Variants in ZNF714 observed in about 807,000 individuals in gnomAD.
ZNF714 encodes zinc finger protein 714.
In ZNF714, 32 loss-of-function variants were observed where a neutral mutation model predicts 46.2. The ratio of observed to expected loss-of-function variants is 0.69; its 90% confidence interval spans 0.52 to 0.93. ZNF714 has a LOEUF of 0.93. Among genes scored for constraint, ZNF714 ranks in the 40% least tolerant of loss-of-function variants. The pLI is 0.00. For synonymous variants in ZNF714, 199 were observed against 213.1 expected (o/e 0.93, Z 0.58); for missense variants, 635 against 646.3 (o/e 0.98, Z 0.19).
chr19:21,098,154 A>G, intron 2 of ZNF714, 31 bp from the exon 3 acceptor site: 1 of 1,581,758 alleles, frequency 6.3e-7, no homozygotes, highest in Non-Finnish European at 8.5e-7. Context: ...CTTGGTAAAT[A>G]TACGTGTGTC....
At position 21,093,695 on chromosome 19, in the gene ZNF714, G is replaced by A. The variant is rs1480473409; in HGVS notation, c.-84-4490G>A. On this transcript the variant is annotated intron_variant, in intron 2 of 4. Coordinates refer to ENST00000456283, the MANE Select transcript of ZNF714 (RefSeq NM_182515.4). Reference sequence around the variant, plus strand: ...GTTGCAAAGGCTGAAGTGCAGTGGTGCAATCTTGGCTCACTTCAGCCTCAA... The same window carrying A: ...GTTGCAAAGGCTGAAGTGCAGTGGTACAATCTTGGCTCACTTCAGCCTCAA... Among the ~76,000 whole-genome samples the A allele has an allele frequency of 6.6e-5, 10 of 152,222 alleles. No individual in the cohort carries two copies. The East Asian group carries it at 1.7e-3, about 26-fold the overall frequency.
chr19:21,108,548 A>G (rs575582574), intron 4 of ZNF714, among the ~76,000 whole-genome samples: 44 of 152,276 alleles, frequency 2.9e-4, no homozygotes, highest in African/African-American at 1.0e-3. Flanking sequence ...ATTTAAAGAA[A>G]CTGACTCCTT....
At position 21,098,843 on chromosome 19, in the gene ZNF714, C is replaced by A; in HGVS notation, c.75C>A (p.Ile25=). ...AGIAVSKQDP[I]TSLEQEKEPW... Reference sequence around the variant, plus strand: ...TTGCTGTCTCTAAGCAAGACCCGATCACCAGTCTAGAGCAAGAAAAAGAGC... The same window carrying A: ...TTGCTGTCTCTAAGCAAGACCCGATAACCAGTCTAGAGCAAGAAAAAGAGC... The change falls in exon 4 of 5, where the codon ATC becomes ATA. Residue 25 remains isoleucine (I), a synonymous_variant. Coordinates refer to ENST00000456283, the MANE Select transcript of ZNF714 (RefSeq NM_182515.4). 1 of 1,610,336 alleles carries A rather than the reference C, an allele frequency of 6.2e-7. No homozygotes were observed. Among genetic ancestry groups the A allele is most frequent in the South Asian group, 1.1e-5 (1 of 90,658 alleles).
chr19:21,091,998 T>C (rs1968920309), intron 2 of ZNF714, among the ~76,000 whole-genome samples: 1 of 152,130 alleles, frequency 6.6e-6, no homozygotes, highest in Non-Finnish European at 1.5e-5. Flanking sequence ...GGAGAATTGC[T>C]TGGTATTAAG....
intron 2 of ZNF714, chr19:21,091,640 G>T (rs1463127172): frequency 6.6e-6 from 1 of 151,340 alleles, no homozygotes; most frequent in African/African-American, 2.4e-5. Flanking sequence ...ATTAATCACA[G>T]CTATTTACCC....
rs145362906 is a variant in ZNF714 at position 21,083,740 on chromosome 19, A to G, written c.-176-238A>G. 2.1e-4 allele frequency among the ~76,000 whole-genome samples: 32 copies of G among 152,214 alleles called. No individual in the cohort carries two copies. The East Asian group carries it at 5.8e-3, about 28-fold the overall frequency. Reference sequence around the variant, plus strand: ...AATAATCCCCTGACACTGTATTGTAAAATTTCTCTGTGCCTCTTCTCCTTG... The same window carrying G: ...AATAATCCCCTGACACTGTATTGTAGAATTTCTCTGTGCCTCTTCTCCTTG... On this transcript the variant is annotated intron_variant, in intron 1 of 4. Transcript: ENST00000456283.
At chr19:21,116,053 G>C (rs1317327753) in intron 4 of ZNF714, among the ~76,000 whole-genome samples, 1 of 151,566 alleles carries the variant, frequency 6.6e-6, no homozygotes, top group Non-Finnish European at 1.5e-5. Context: ...TGTAATCTTT[G>C]ATTAAAATTT....
chr19:21,105,300 C>T (rs1253044207), intron 4 of ZNF714, among the ~76,000 whole-genome samples: 3 of 152,094 alleles, frequency 2.0e-5, no homozygotes, highest in South Asian at 2.1e-4. Context: ...GGATTACCTG[C>T]GTGAGCCACC....
intron 2 of ZNF714, among the ~76,000 whole-genome samples, chr19:21,084,550 A>G (rs1456013840): frequency 6.6e-6 from 1 of 152,100 alleles, no homozygotes; most frequent in Non-Finnish European, 1.5e-5. Flanking sequence ...GTGACTGAAT[A>G]GCCTGACTTG....
chr19:21,120,605 G>A lies in ZNF714; in HGVS notation c.*2273G>A, dbSNP rs918075843. On this transcript the variant is annotated 3_prime_UTR_variant, in exon 5 of 5. Coordinates refer to ENST00000456283, the MANE Select transcript of ZNF714 (RefSeq NM_182515.4). ...ACATTTTTAAAATTTTAGATTGTGTGAAGTTAATAGTTTAACATTTTTAAC... is the reference window on the plus strand; with the variant it reads ...ACATTTTTAAAATTTTAGATTGTGTAAAGTTAATAGTTTAACATTTTTAAC... The A allele has an allele frequency of 1.3e-5, 2 of 152,098 alleles. No individual in the cohort carries two copies. Among genetic ancestry groups the A allele is most frequent in the Non-Finnish European group, 2.9e-5 (2 of 68,012 alleles). The allele number at this position is 152,098 out of a possible 1,614,324, so 9.4% of individuals were successfully genotyped here. A position where few individuals can be genotyped will look rare whatever the true frequency, so the allele number is the denominator to read the frequency against.
At chr19:21,110,269 G>C (rs1969421039) in intron 4 of ZNF714, among the ~76,000 whole-genome samples, 1 of 152,036 alleles carries the variant, frequency 6.6e-6, no homozygotes, top group South Asian at 2.1e-4. Context: ...TTGTTTCTTG[G>C]CTTTTTAGTA....
Position 21,119,357 on chromosome 19 carries a change from T to C in ZNF714, c.*1025T>C, listed in dbSNP as rs1362096940. On this transcript the variant is annotated 3_prime_UTR_variant, in exon 5 of 5. Coordinates refer to ENST00000456283, the MANE Select transcript of ZNF714 (RefSeq NM_182515.4). ...GGGAGAGGTTGCAGTGAGCTGAGAT[T>C]GCACTCTAGCCTGGGCCACAGAGCA... The C allele has an allele frequency of 3.9e-6, 1 of 255,036 alleles. No homozygotes were observed. Among genetic ancestry groups the C allele is most frequent in the Non-Finnish European group, 7.9e-6 (1 of 126,364 alleles). 15.8% of individuals were successfully genotyped at this position (255,036 alleles called of 1,614,324 possible).
chr19:21,099,162 C>G (rs909940438), intron 4 of ZNF714, among the ~76,000 whole-genome samples: 1 of 151,996 alleles, frequency 6.6e-6, no homozygotes, highest in Non-Finnish European at 1.5e-5. Flanking sequence ...TTGAAAAACA[C>G]TGTTTTTTTT....
chr19:21,102,608 TA>T (rs1969207813), intron 4 of ZNF714, among the ~76,000 whole-genome samples: 1 of 152,228 alleles, frequency 6.6e-6, no homozygotes, highest in Non-Finnish European at 1.5e-5. Flanking sequence ...ACATGCTTAT[TA>T]AAAGTTTCTC....
intron 4 of ZNF714, among the ~76,000 whole-genome samples, chr19:21,114,605 C>T (rs1049714017): frequency 3.3e-5 from 5 of 152,014 alleles, no homozygotes; most frequent in African/African-American, 4.8e-5. Flanking sequence ...ATCCAGTTTG[C>T]CCTTCTATGT....
In ZNF714 at chr19:21,119,333, G is replaced by A. The variant is rs996465201; in HGVS notation, c.*1001G>A. On this transcript the variant is annotated 3_prime_UTR_variant, in exon 5 of 5. Transcript: ENST00000456283. ...AGGAGAATCACTTGAACTTGGGGAG[G>A]GAGAGGTTGCAGTGAGCTGAGATTG... The A allele has an allele frequency of 1.5e-5, 4 of 269,984 alleles. No homozygotes were observed. The highest frequency in any genetic ancestry group is 3.0e-5 in the Non-Finnish European group (4 of 134,808). The allele number at this position is 269,984 out of a possible 1,614,324, so 16.7% of individuals were successfully genotyped here. A position where few individuals can be genotyped will look rare whatever the true frequency, so the allele number is the denominator to read the frequency against.
chr19:21,097,469 C>T lies in ZNF714; in HGVS notation c.-84-716C>T, dbSNP rs527769720. Among the ~76,000 whole-genome samples, 19 of 152,208 alleles carry T rather than the reference C, an allele frequency of 1.2e-4. No individual in the cohort carries two copies. In the South Asian group the frequency reaches 3.7e-3, roughly 30 times the overall value. On this transcript the variant is annotated intron_variant, in intron 2 of 4. Coordinates refer to ENST00000456283, the MANE Select transcript of ZNF714 (RefSeq NM_182515.4). ...TTTGCTTGGTTAAAGAGCTCTCTGACTTTTTTTCACTATAGAGTTAATTGT... is the reference window on the plus strand; with the variant it reads ...TTTGCTTGGTTAAAGAGCTCTCTGATTTTTTTTCACTATAGAGTTAATTGT...
intron 2 of ZNF714, among the ~76,000 whole-genome samples, chr19:21,093,811 G>A (rs933801444): frequency 1.4e-5 from 2 of 146,574 alleles, no homozygotes; most frequent in Non-Finnish European, 3.0e-5. Flanking sequence ...TTTTTCTATC[G>A]TTTGTAGAGA....
rs1969695931 is a variant in ZNF714, at chr19:21,121,080, C to G, written c.*2748C>G. The G allele has an allele frequency of 6.6e-6, 1 of 152,166 alleles. No homozygotes were observed. The highest frequency in any genetic ancestry group is 1.9e-4 in the East Asian group (1 of 5,186). 9.4% of individuals were successfully genotyped at this position (152,166 alleles called of 1,614,324 possible). ...TGAGACGGAGTCTCGCTCTGTCGCC[C>G]AGGCTGGAGTGTGCAATCTCGGCTC... On this transcript the variant is annotated 3_prime_UTR_variant, in exon 5 of 5. Transcript: ENST00000456283.
Sources: allele counts gnomAD v4.1 joint callset (sites outside exome capture counted in the v4.1 genomes callset), GRCh38; gene constraint gnomAD v4.1.1; transcripts MANE v1.5; gene names NCBI Gene and HGNC (gene_info 2026-07-23, HGNC 2026-07-21).